Variants in CIB4 observed in about 807,000 individuals in gnomAD.
CIB4 encodes the protein calcium and integrin binding family member 4.
Under a neutral mutation model 25.8 loss-of-function variants are expected in CIB4, and 25 were observed. The ratio of observed to expected loss-of-function variants is 0.97; its 90% confidence interval spans 0.71 to 1.35. The LOEUF (loss-of-function observed/expected upper bound fraction) is 1.35. Ranked by LOEUF, CIB4 falls within the 40% of genes most tolerant of loss-of-function variation. The pLI is 0.00. For missense variants in CIB4, 235 were observed against 228.2 expected (o/e 1.03, Z -0.19); for synonymous variants, 75 against 81.4 (o/e 0.92, Z 0.42).
intron 3 of CIB4, among the ~76,000 whole-genome samples, chr2:26,618,985 G>GC: frequency 6.6e-6 from 1 of 152,290 alleles, no homozygotes; most frequent in East Asian, 1.9e-4. Flanking sequence ...GCGCTGTGAA[G>GC]CCCCTGGCTG....
At chr2:26,606,067 G>A (rs1668884047) in intron 3 of CIB4, among the ~76,000 whole-genome samples, 1 of 152,162 alleles carries the variant, frequency 6.6e-6, no homozygotes, top group South Asian at 2.1e-4. Flanking sequence ...CGAATGATGT[G>A]GCTTCTTCCT....
At chr2:26,597,412 G>A (rs868203204) in intron 3 of CIB4, among the ~76,000 whole-genome samples, 55 of 148,278 alleles carry the variant, frequency 3.7e-4, no homozygotes, top group Admixed American at 1.1e-3. Context: ...CTTTGGATCA[G>A]TTACGACAGC....
At chr2:26,612,237 G>A (rs559760450) in intron 3 of CIB4, among the ~76,000 whole-genome samples, 16 of 152,334 alleles carry the variant, frequency 1.1e-4, no homozygotes, top group Admixed American at 2.0e-4. Flanking sequence ...CTCTTCTCCT[G>A]TAAGGCCTGG....
chr2:26,620,172 C>G (rs57266124), intron 3 of CIB4, among the ~76,000 whole-genome samples: 6,678 of 148,028 alleles, frequency 0.045, 427 homozygotes, highest in African/African-American at 0.15. Context: ...AATCTCCATC[C>G]CAGAATCCCC....
At chr2:26,636,694 G>T (rs1012224288) in intron 2 of CIB4, among the ~76,000 whole-genome samples, 3 of 151,126 alleles carry the variant, frequency 2.0e-5, no homozygotes, top group Non-Finnish European at 2.9e-5. Context: ...CATAAGAGAT[G>T]ATTTTTTTAA....
At chr2:26,594,300 T>C (rs536092402) in intron 4 of CIB4, among the ~76,000 whole-genome samples, 48 of 152,330 alleles carry the variant, frequency 3.2e-4, no homozygotes, top group African/African-American at 1.1e-3. Flanking sequence ...ATGCTGAACC[T>C]GAGGACATAT....
chr2:26,597,083 A>G (rs1033946194), intron 3 of CIB4, among the ~76,000 whole-genome samples: 2 of 152,226 alleles, frequency 1.3e-5, no homozygotes, highest in Non-Finnish European at 2.9e-5. Context: ...TTTGAAGAGA[A>G]TATTTTTAAA....
At chr2:26,582,235 G>A (rs894230584) in intron 6 of CIB4, among the ~76,000 whole-genome samples, 12 of 152,294 alleles carry the variant, frequency 7.9e-5, no homozygotes, top group African/African-American at 1.9e-4. Context: ...AGCTCCACCC[G>A]GCTGGTCCTC....
chr2:26,611,626 T>C (rs1197822934), intron 3 of CIB4, among the ~76,000 whole-genome samples: 1 of 152,182 alleles, frequency 6.6e-6, no homozygotes, highest in Non-Finnish European at 1.5e-5. Flanking sequence ...AAGGAGAACC[T>C]GGATGTCTAA....
At chr2:26,634,866 C>T (rs114076164) in intron 2 of CIB4, among the ~76,000 whole-genome samples, 1 of 152,180 alleles carries the variant, frequency 6.6e-6, no homozygotes, top group East Asian at 1.9e-4. Context: ...CCCACCCCAC[C>T]CAAGAGAGTG....
chr2:26,640,623 C>T, intron 1 of CIB4, 56 bp from the exon 2 acceptor site: 1 of 1,560,912 alleles, frequency 6.4e-7, no homozygotes, highest in Non-Finnish European at 8.7e-7. Context: ...TGCTGTGGCC[C>T]CTGGGGAGTG....
chr2:26,606,166 G>A (rs952186139), intron 3 of CIB4, among the ~76,000 whole-genome samples: 3 of 152,216 alleles, frequency 2.0e-5, no homozygotes, highest in Non-Finnish European at 2.9e-5. Context: ...CAGACACTGC[G>A]CTGAGTCCTG....
rs2289703 is a variant in CIB4 at position 26,582,808 on chromosome 2, C to T, written c.527+17G>A. The T allele has an allele frequency of 5.2e-6, 8 of 1,546,564 alleles. No homozygotes were observed. In the East Asian group the frequency reaches 1.1e-4, roughly 22 times the overall value. On this transcript the variant is annotated intron_variant, in intron 6 of 6. Transcript: ENST00000288861. ...ACCACTCTCCTGGACAGTCTCACCCCCTCCAGAATGCCTTACTTCATGAAA... is the reference window on the plus strand; with the variant it reads ...ACCACTCTCCTGGACAGTCTCACCCTCTCCAGAATGCCTTACTTCATGAAA...
intron 3 of CIB4, among the ~76,000 whole-genome samples, chr2:26,612,367 AT>A (rs1669011734): frequency 6.6e-6 from 1 of 152,188 alleles, no homozygotes; most frequent in African/African-American, 2.4e-5. Flanking sequence ...ACCTTTCCAT[AT>A]TCTTTCCAAA....
chr2:26,609,925 CTG>C (rs749159776), intron 3 of CIB4, among the ~76,000 whole-genome samples: 12 of 152,204 alleles, frequency 7.9e-5, no homozygotes, highest in Non-Finnish European at 1.8e-4. Context: ...AAGCAAGAGA[CTG>C]TAACTAACAG....
intron 2 of CIB4, among the ~76,000 whole-genome samples, chr2:26,639,007 A>G (rs1289775136): frequency 2.0e-5 from 3 of 151,996 alleles, no homozygotes; most frequent in Admixed American, 6.6e-5. Context: ...ATGAAGGGAT[A>G]AATGCAACCA....
chr2:26,639,543 T>C (rs987781933), intron 2 of CIB4, among the ~76,000 whole-genome samples: 2 of 152,200 alleles, frequency 1.3e-5, no homozygotes, highest in African/African-American at 4.8e-5. Context: ...AGAGGTTATA[T>C]GGGTAGTAGG....
chr2:26,601,743 C>G (rs1336782558), intron 3 of CIB4, among the ~76,000 whole-genome samples: 1 of 152,144 alleles, frequency 6.6e-6, no homozygotes, highest in Non-Finnish European at 1.5e-5. Flanking sequence ...ATAATAATCA[C>G]TAGGTACTTC....
chr2:26,591,025 C>A (rs1456083608), intron 4 of CIB4, among the ~76,000 whole-genome samples: 1 of 152,208 alleles, frequency 6.6e-6, no homozygotes, highest in Non-Finnish European at 1.5e-5. Context: ...CCAAGGAGAA[C>A]CTTCTGCTCA....
Sources: gnomAD v4.1 joint callset for allele counts (sites outside exome capture counted in the v4.1 genomes callset) on GRCh38, gnomAD v4.1.1 for gene constraint, MANE v1.5 for transcripts, NCBI Gene and HGNC (gene_info 2026-07-23, HGNC 2026-07-21) for gene names.